ZBED4: variants seen among roughly 807,000 people sequenced by gnomAD.
The protein encoded by ZBED4 is zinc finger BED domain-containing protein 4.
A neutral mutation model predicts 15.5 loss-of-function variants in ZBED4; 4 were observed. The ratio of observed to expected loss-of-function variants is 0.26; its 90% CI spans 0.13 to 0.59. ZBED4 has a LOEUF of 0.59. Among genes scored for constraint, ZBED4 ranks in the 20% least tolerant of loss-of-function variants. ZBED4 has a pLI of 0.90. For synonymous variants in ZBED4, 692 were observed against 608.5 expected (o/e 1.14, Z -2.02); for missense variants, 1,323 against 1,461.8 (o/e 0.91, Z 1.55).
intron 1 of ZBED4, 64 bp downstream of exon 1, chr22:49,854,053 G>A (rs1278394028): frequency 7.0e-6 from 1 of 143,608 alleles, no homozygotes; most frequent in East Asian, 2.1e-4. Flanking sequence ...GGACCGCGCC[G>A]GGGCCGGGCC....
chr22:49,862,129 A>G (rs930113604), intron 1 of ZBED4, among the ~76,000 whole-genome samples: 31 of 152,210 alleles, frequency 2.0e-4, no homozygotes, highest in African/African-American at 6.8e-4. Context: ...ACTGAATTGG[A>G]TGTAGCACGG....
chr22:49,878,212 G>A (rs775093016), intron 1 of ZBED4, among the ~76,000 whole-genome samples: 2 of 151,224 alleles, frequency 1.3e-5, no homozygotes, highest in Non-Finnish European at 2.9e-5. Flanking sequence ...GGCTGAGGCA[G>A]GAGAATCGTT....
In ZBED4 at chr22:49,886,907, A is replaced by G. The variant is rs2060443088; in HGVS notation, c.3245A>G (p.Glu1082Gly). ...KKKDPREKLP[E>G]AMVLAYLEEE... ...AAAGACCCAAGAGAAAAGCTGCCTG[A>G]AGCCATGGTGCTTGCGTATCTGGAG... The change falls in exon 2 of 2, where the codon GAA (glutamate) becomes GGA (glycine). Residue 1082 changes from glutamate to glycine, a missense_variant. Coordinates refer to ENST00000216268, the MANE Select transcript of ZBED4 (RefSeq NM_014838.3). This position sits in a 1 kb window ranked among gnomAD's most constrained non-coding sequence, Gnocchi z 7.7. 2 of 1,614,010 alleles carry G rather than the reference A, an allele frequency of 1.2e-6. No individual in the cohort carries two copies. The highest frequency in any genetic ancestry group is 1.7e-5 in the Admixed American group (1 of 60,004).
chr22:49,853,575 T>C (rs2060260450), upstream of ZBED4, among the ~76,000 whole-genome samples: 1 of 151,900 alleles, frequency 6.6e-6, no homozygotes, highest in Admixed American at 6.6e-5. Context: ...CCTAAGCCCT[T>C]CCCGTCGCCC....
intron 1 of ZBED4, among the ~76,000 whole-genome samples, chr22:49,873,278 C>G (rs2060357621): frequency 1.3e-5 from 2 of 152,216 alleles, no homozygotes; most frequent in Admixed American, 6.5e-5. Flanking sequence ...TACTTCCTTT[C>G]ACTTGAACAT....
intron 1 of ZBED4, among the ~76,000 whole-genome samples, chr22:49,861,916 T>C (rs1484062510): frequency 6.6e-6 from 1 of 152,154 alleles, no homozygotes. Context: ...GGTGGGAGGA[T>C]ACATGTAATT....
chr22:49,859,664 T>C (rs2060288825), intron 1 of ZBED4, among the ~76,000 whole-genome samples: 1 of 152,240 alleles, frequency 6.6e-6, no homozygotes, highest in African/African-American at 2.4e-5. Flanking sequence ...CTAGAAAATA[T>C]GTATTTAAAA....
At chr22:49,854,874 TAGTG>T (rs1357425901) in intron 1 of ZBED4, among the ~76,000 whole-genome samples, 1 of 152,336 alleles carries the variant, frequency 6.6e-6, no homozygotes. Context: ...TCAGACCTCA[TAGTG>T]AGGCCAGTTT....
intron 1 of ZBED4, among the ~76,000 whole-genome samples, chr22:49,875,251 A>G (rs1188608793): frequency 6.6e-6 from 1 of 151,006 alleles, no homozygotes; most frequent in Non-Finnish European, 1.5e-5. Flanking sequence ...AATGTTTGGT[A>G]GAATTCACCA....
At chr22:49,853,198 A>T (rs1181009103), upstream of ZBED4, 1 of 152,326 alleles carries the variant, frequency 6.6e-6, no homozygotes, top group Non-Finnish European at 1.5e-5. Context: ...CATTTCCTTC[A>T]GACCCTGAGA....
intron 1 of ZBED4, among the ~76,000 whole-genome samples, chr22:49,858,322 G>C (rs141391390): frequency 6.6e-6 from 1 of 152,184 alleles, no homozygotes; most frequent in Non-Finnish European, 1.5e-5. Context: ...ATAGGTGAAG[G>C]CTACTCAGGT....
intron 1 of ZBED4, among the ~76,000 whole-genome samples, chr22:49,856,385 G>A (rs1447980985): frequency 6.6e-6 from 1 of 152,226 alleles, no homozygotes; most frequent in Non-Finnish European, 1.5e-5. Context: ...GAGAGCAGGG[G>A]TAATCCCAGT....
At chr22:49,870,644 T>G (rs556784182) in intron 1 of ZBED4, among the ~76,000 whole-genome samples, 28 of 152,314 alleles carry the variant, frequency 1.8e-4, no homozygotes, top group African/African-American at 6.7e-4. Context: ...TATCTGTTCA[T>G]GTCCTTTGCT....
rs1014020604 is a variant in ZBED4, at chr22:49,855,438, A to G, written c.-330+1449A>G. 7.2e-5 allele frequency among the ~76,000 whole-genome samples: 11 copies of G among 151,914 alleles called. No individual in the cohort carries two copies. The South Asian group carries it at 1.9e-3, about 26-fold the overall frequency. On this transcript the variant is annotated intron_variant, in intron 1 of 1. Transcript: ENST00000216268. ...GCTCTTTAAGGTTACCTCCTCCCCA[A>G]CCCCCTCCACACACACAGTGAGTAA...
In ZBED4 at chr22:49,886,625, C is replaced by A; in HGVS notation, c.2963C>A (p.Ala988Asp). Residue 988 changes from alanine to aspartate, a missense_variant, in exon 2 of 2, where the codon GCC (alanine) becomes GAC (aspartate). Physicochemically the swap from Ala to Asp is moderately radical, Grantham distance 126. Coordinates refer to ENST00000216268, the MANE Select transcript of ZBED4 (RefSeq NM_014838.3). This position sits in a 1 kb window ranked among gnomAD's most constrained non-coding sequence, Gnocchi z 7.7. ...IDTMLRSLKE[A>D]MVSRLSATLH... ...ACCATGCTGCGCTCTCTGAAGGAGG[C>A]CATGGTGAGCCGCCTGTCTGCCACC... 1 of 1,581,444 alleles carries A rather than the reference C, an allele frequency of 6.3e-7. No homozygotes were observed. The highest frequency in any genetic ancestry group is 8.6e-7 in the Non-Finnish European group (1 of 1,164,814).
chr22:49,875,947 T>TC (rs1310685251), intron 1 of ZBED4, among the ~76,000 whole-genome samples: 2 of 151,846 alleles, frequency 1.3e-5, no homozygotes, highest in African/African-American at 4.8e-5. Context: ...TTTTTTTCTT[T>TC]TTTTTTTATT....
chr22:49,871,111 A>AT (rs1469966713), intron 1 of ZBED4, among the ~76,000 whole-genome samples: 30 of 62,046 alleles, frequency 4.8e-4, no homozygotes, highest in East Asian at 4.4e-3. Context: ...TGGCTAATAT[A>AT]TTTTTTTTTA....
chr22:49,879,437 A>AT (rs889972457), intron 1 of ZBED4, among the ~76,000 whole-genome samples: 2 of 151,518 alleles, frequency 1.3e-5, no homozygotes, highest in Non-Finnish European at 2.9e-5. Flanking sequence ...TAATTTTTGT[A>AT]TTTTTTTGCA....
rs537164635 is a variant in ZBED4 at position 49,886,000 on chromosome 22, A to G, written c.2338A>G (p.Ser780Gly). The change falls in exon 2 of 2, where the codon AGT becomes GGT. Residue 780 changes from serine (S) to glycine (G), a missense_variant. Ser to Gly is a moderately conservative substitution (Grantham distance 56). Transcript: ENST00000216268. ...LDVSQVDCDY[S>G]GNSIQKQLEC... ...CGTGTCGCAGGTGGACTGCGACTAC[A>G]GTGGCAACAGCATTCAGAAGCAGCT... The G allele has an allele frequency of 5.8e-6, 4 of 692,232 alleles. No individual in the cohort carries two copies. The highest frequency in any genetic ancestry group is 3.6e-5 in the African/African-American group (2 of 56,258). The allele number at this position is 692,232 out of a possible 1,614,324, so 42.9% of individuals were successfully genotyped here. A position where few individuals can be genotyped will look rare whatever the true frequency, so the allele number is the denominator to read the frequency against.
Sources: allele counts gnomAD v4.1 joint callset (sites outside exome capture counted in the v4.1 genomes callset), GRCh38; gene constraint gnomAD v4.1.1; non-coding constraint Gnocchi (gnomAD v3.1); transcripts MANE v1.5; gene names NCBI Gene and HGNC (gene_info 2026-07-23, HGNC 2026-07-21).